GSTT4: variants seen among roughly 807,000 people sequenced by gnomAD.
GSTT4 encodes glutathione S-transferase theta-4.
chr22:23,989,792 G>A, the GSTT4 span, among the ~76,000 whole-genome samples: 1 of 149,210 alleles, frequency 6.7e-6, no homozygotes, highest in Non-Finnish European at 1.5e-5. Flanking sequence ...AGTGCTAGAG[G>A]CCGCATTAGG....
chr22:24,000,601 C>T (rs1163254597), intron 3 of GSTT4, among the ~76,000 whole-genome samples: 2 of 142,272 alleles, frequency 1.4e-5, no homozygotes, highest in East Asian at 1.9e-4. Context: ...CTCTGTCGCC[C>T]AGGCTGGAGT....
rs2034292141 is a variant in GSTT4, at chr22:24,003,834, G to C, written c.126C>G (p.Ser42Arg). ...GGGGGTTGATGTCAATGTATCCTTT[G>C]CTGTGGTGGTGACCTGGGAGGGGCA... ...FVDLLKGHHH[S>R]KGYIDINPLR... Residue 42 changes from serine to arginine, a missense_variant, in exon 2 of 5, where the codon AGC (serine) becomes AGG (arginine). Coordinates refer to ENST00000621179, the MANE Select transcript of GSTT4 (RefSeq NM_001358664.2). 6.4e-6 allele frequency: 1 copy of C among 155,764 alleles called. No individual in the cohort carries two copies. Among genetic ancestry groups the C allele is most frequent in the Non-Finnish European group, 1.5e-5 (1 of 68,560 alleles). The allele number at this position is 155,764 out of a possible 1,614,324, so 9.6% of individuals were successfully genotyped here.
the GSTT4 span, among the ~76,000 whole-genome samples, chr22:23,990,653 T>TAAAC: frequency 0.034 from 1,920 of 56,292 alleles, 253 homozygotes; most frequent in African/African-American, 0.053. Context: ...AATAAATAAA[T>TAAAC]AAACAAACAA....
the GSTT4 span, among the ~76,000 whole-genome samples, chr22:23,992,792 T>TC: frequency 2.4e-5 from 3 of 126,556 alleles, no homozygotes; most frequent in Non-Finnish European, 5.1e-5. Context: ...CTTTTTTTTT[T>TC]CGAGACAGGG....
At chr22:24,002,240 G>C (rs587743074) in intron 2 of GSTT4, among the ~76,000 whole-genome samples, 90 of 152,360 alleles carry the variant, frequency 5.9e-4, no homozygotes, top group Non-Finnish European at 6.8e-4. Flanking sequence ...TCTGGTGCTG[G>C]ATGGAGGGTG....
At chr22:24,003,562 A>G (rs1316430846) in intron 2 of GSTT4, among the ~76,000 whole-genome samples, 198 bp downstream of exon 2, 1 of 152,284 alleles carries the variant, frequency 6.6e-6, no homozygotes, top group African/African-American at 2.4e-5. Flanking sequence ...AATAGAAATG[A>G]TGTAAACTGG....
intron 2 of GSTT4, among the ~76,000 whole-genome samples, chr22:24,003,090 C>T (rs1448642920): frequency 1.3e-5 from 2 of 152,236 alleles, no homozygotes; most frequent in African/African-American, 4.8e-5. Context: ...CCGTGTCAGC[C>T]TCTGGAAGTG....
intron 2 of GSTT4, among the ~76,000 whole-genome samples, chr22:24,003,189 T>C (rs2034274467): frequency 6.6e-6 from 1 of 152,042 alleles, no homozygotes; most frequent in African/African-American, 2.4e-5. Context: ...AGTATGTTCC[T>C]AAACATTTAT....
At chr22:23,996,762 A>G (rs2034120637), downstream of GSTT4, among the ~76,000 whole-genome samples, 1 of 152,202 alleles carries the variant, frequency 6.6e-6, no homozygotes, top group African/African-American at 2.4e-5. Flanking sequence ...TTTTACATCT[A>G]TATTTATAAG....
downstream of GSTT4, among the ~76,000 whole-genome samples, chr22:23,995,295 G>A (rs1446780190): frequency 1.7e-5 from 1 of 58,874 alleles, no homozygotes; most frequent in African/African-American, 5.6e-5. Context: ...ACCACACCCA[G>A]CTAATTTTAA....
chr22:23,996,685 C>G (rs1363708358), downstream of GSTT4, among the ~76,000 whole-genome samples: 3 of 152,174 alleles, frequency 2.0e-5, no homozygotes, highest in African/African-American at 4.8e-5. Flanking sequence ...ATAAATCCTA[C>G]CTGGTCAAGG....
the GSTT4 span, among the ~76,000 whole-genome samples, chr22:23,989,816 G>A: frequency 6.7e-6 from 1 of 149,102 alleles, no homozygotes; most frequent in Admixed American, 6.8e-5. Context: ...CTGGTGTTTG[G>A]ATCAGAGGAC....
intron 2 of GSTT4, among the ~76,000 whole-genome samples, chr22:24,002,101 G>T (rs1450025693): frequency 1.3e-5 from 2 of 152,416 alleles, no homozygotes; most frequent in South Asian, 4.1e-4. Context: ...GGGGGTGATT[G>T]GGGAGTGATG....
chr22:24,002,461 C>T (rs1361365569), intron 2 of GSTT4, among the ~76,000 whole-genome samples: 1 of 152,254 alleles, frequency 6.6e-6, no homozygotes, highest in East Asian at 1.9e-4. Flanking sequence ...GCAACCATGC[C>T]AAGGTAAAAA....
downstream of GSTT4, among the ~76,000 whole-genome samples, chr22:23,993,651 A>T (rs2034088716): frequency 6.6e-6 from 1 of 151,992 alleles, no homozygotes; most frequent in African/African-American, 2.4e-5. Flanking sequence ...TCTGACCCTG[A>T]GGACCCTGTG....
At chr22:23,996,753 T>C (rs2034120507), downstream of GSTT4, among the ~76,000 whole-genome samples, 1 of 152,246 alleles carries the variant, frequency 6.6e-6, no homozygotes, top group Non-Finnish European at 1.5e-5. Flanking sequence ...GCTGAGGATT[T>C]TTACATCTAT....
At chr22:23,994,380 A>G (rs1021864902), downstream of GSTT4, among the ~76,000 whole-genome samples, 59 of 152,090 alleles carry the variant, frequency 3.9e-4, 1 homozygote, top group African/African-American at 1.4e-3. Flanking sequence ...TCACCCAAAA[A>G]GAAACTCTGT....
At chr22:23,991,011 A>G in the GSTT4 span, among the ~76,000 whole-genome samples, 14 of 100,800 alleles carry the variant, frequency 1.4e-4, 1 homozygote, top group African/African-American at 4.2e-4. Flanking sequence ...TCTCAATAAT[A>G]ATAATAATAA....
rs1386755008 is a variant in GSTT4 at position 24,005,237 on chromosome 22, G to C, written c.112+8C>G. Reference sequence around the variant, plus strand: ...GACCAGGCCTGCCAGGCAGCAGTGGGAGTTGACCTTTCAGCAGATCCACAA... The same window carrying C: ...GACCAGGCCTGCCAGGCAGCAGTGGCAGTTGACCTTTCAGCAGATCCACAA... On this transcript the variant is annotated splice_region_variant and intron_variant, in intron 1 of 4. Transcript: ENST00000621179. 6.5e-6 allele frequency: 1 copy of C among 153,180 alleles called. No homozygotes were observed. Among genetic ancestry groups the C allele is most frequent in the Admixed American group, 6.5e-5 (1 of 15,296 alleles). 9.5% of individuals were successfully genotyped at this position (153,180 alleles called of 1,614,324 possible).
Sources: gnomAD v4.1 joint callset for allele counts (sites outside exome capture counted in the v4.1 genomes callset) on GRCh38, gnomAD v4.1.1 for gene constraint, MANE v1.5 for transcripts, NCBI Gene and HGNC (gene_info 2026-07-23, HGNC 2026-07-21) for gene names.